Variants in DCC observed in about 807,000 individuals in gnomAD.
DCC encodes the protein DCC netrin 1 receptor.
Under a neutral mutation model 172.5 loss-of-function variants are expected in DCC, and 58 were observed. The ratio of observed to expected loss-of-function variants is 0.34; its 90% CI spans 0.27 to 0.42. The LOEUF (loss-of-function observed/expected upper bound fraction) is 0.42, where lower values mean the gene tolerates loss of function less well. Among genes scored for constraint, DCC ranks in the 10% least tolerant of loss-of-function variants. The pLI is 1.00. For synonymous variants in DCC, 709 were observed against 644.5 expected (o/e 1.10, Z -1.52); for missense variants, 1,740 against 1,791.0 (o/e 0.97, Z 0.51).
intron 8 of DCC, among the ~76,000 whole-genome samples, chr18:53,167,201 A>C (rs200271315): frequency 6.6e-6 from 1 of 152,226 alleles, no homozygotes; most frequent in East Asian, 1.9e-4. Flanking sequence ...ACTCTGAGGC[A>C]CTTAGGCAAG....
At chr18:52,769,872 C>CT (rs762775968) in intron 2 of DCC, among the ~76,000 whole-genome samples, 7 of 152,120 alleles carry the variant, frequency 4.6e-5, no homozygotes, top group Non-Finnish European at 1.0e-4. Flanking sequence ...GTCTTTGTTC[C>CT]TTTATCAAAA....
intron 12 of DCC, among the ~76,000 whole-genome samples, chr18:53,303,691 T>A (rs1407059947): frequency 6.6e-6 from 1 of 152,130 alleles, no homozygotes; most frequent in African/African-American, 2.4e-5. Flanking sequence ...TGAGCACTTT[T>A]GGTCTCTGAG....
intron 12 of DCC, among the ~76,000 whole-genome samples, chr18:53,301,672 C>G (rs1227668814): frequency 2.0e-5 from 3 of 151,788 alleles, no homozygotes; most frequent in African/African-American, 7.3e-5. Flanking sequence ...TTAGATGTCT[C>G]TTAGTTTACC....
chr18:52,729,076 C>T (rs1053253847), intron 1 of DCC, among the ~76,000 whole-genome samples: 4 of 152,122 alleles, frequency 2.6e-5, no homozygotes, highest in African/African-American at 9.7e-5. Context: ...AGCATAATCT[C>T]TATTTTGAAT....
intron 27 of DCC, among the ~76,000 whole-genome samples, chr18:53,503,261 C>T (rs867241439): frequency 6.6e-6 from 1 of 152,156 alleles, no homozygotes; most frequent in Non-Finnish European, 1.5e-5. Flanking sequence ...GTTGTCATAA[C>T]GACTGAAATT....
In DCC at chr18:53,079,131, A is replaced by G. The variant is rs117373335; in HGVS notation, c.1261+12965A>G. ...ACTTAGTTGTAAGGAAAAGGGAATA[A>G]AAGTACTATGTAGCTTATTTCATAT... On this transcript the variant is annotated intron_variant, in intron 7 of 28. Transcript: ENST00000442544. Among the ~76,000 whole-genome samples the G allele has an allele frequency of 4.5e-4, 68 of 152,288 alleles. No homozygotes were observed. In the East Asian group the frequency reaches 0.012, roughly 26 times the overall value.
chr18:53,039,126 C>G (rs531652030), intron 5 of DCC, among the ~76,000 whole-genome samples: 1 of 152,002 alleles, frequency 6.6e-6, no homozygotes, highest in African/African-American at 2.4e-5. Context: ...TACACAAAGT[C>G]TGTGTCTCTA....
chr18:53,108,182 A>AACACAC (rs71175553), intron 7 of DCC, among the ~76,000 whole-genome samples: 1 of 151,030 alleles, frequency 6.6e-6, no homozygotes, highest in African/African-American at 2.4e-5. Context: ...TACACAGAAA[A>AACACAC]ACACACACAC....
Position 52,351,723 on chromosome 18 carries a change from A to G in DCC, c.91+10845A>G, listed in dbSNP as rs541418999. On this transcript the variant is annotated intron_variant, in intron 1 of 28. Transcript: ENST00000442544. ...ATGTGTGCCTGAACGTGTTTAGTAAACCTAAACCTAAATTTTTTTTGGAGT... is the reference window on the plus strand; with the variant it reads ...ATGTGTGCCTGAACGTGTTTAGTAAGCCTAAACCTAAATTTTTTTTGGAGT... 1.2e-4 allele frequency among the ~76,000 whole-genome samples: 18 copies of G among 152,276 alleles called. No homozygotes were observed. The South Asian group carries it at 1.7e-3, about 14-fold the overall frequency.
chr18:52,587,606 T>C (rs2033704844), intron 1 of DCC, among the ~76,000 whole-genome samples: 2 of 152,188 alleles, frequency 1.3e-5, no homozygotes, highest in East Asian at 3.9e-4. Context: ...CAAATCACTA[T>C]ATAATCACAC....
intron 27 of DCC, among the ~76,000 whole-genome samples, chr18:53,523,266 AG>A (rs2046420175): frequency 6.6e-6 from 1 of 152,172 alleles, no homozygotes; most frequent in African/African-American, 2.4e-5. Flanking sequence ...AGGAAACAAC[AG>A]ATGCTAGAGA....
At chr18:52,653,068 G>T (rs1237014551) in intron 1 of DCC, among the ~76,000 whole-genome samples, 3 of 152,166 alleles carry the variant, frequency 2.0e-5, no homozygotes, top group Non-Finnish European at 4.4e-5. Context: ...GCTGACAGAA[G>T]TTGTGACATA....
intron 18 of DCC, among the ~76,000 whole-genome samples, chr18:53,401,419 C>T (rs923053616): frequency 7.9e-5 from 12 of 152,066 alleles, no homozygotes; most frequent in Non-Finnish European, 1.6e-4. Flanking sequence ...ATCCCAGTGA[C>T]TTTGAAGATC....
chr18:52,889,357 G>T (rs917094947), intron 2 of DCC, among the ~76,000 whole-genome samples: 1 of 152,084 alleles, frequency 6.6e-6, no homozygotes, highest in Non-Finnish European at 1.5e-5. Context: ...AGGACAGAAA[G>T]AAGTAACGAA....
intron 7 of DCC, among the ~76,000 whole-genome samples, chr18:53,114,446 T>G (rs2043381097): frequency 6.6e-6 from 1 of 151,578 alleles, no homozygotes. Context: ...ATAGAGTATC[T>G]CAGTATAAAG....
At chr18:52,970,249 A>G (rs2041008574) in intron 5 of DCC, among the ~76,000 whole-genome samples, 1 of 152,090 alleles carries the variant, frequency 6.6e-6, no homozygotes, top group South Asian at 2.1e-4. Flanking sequence ...TTTTTCTAAC[A>G]TTTAGAATAT....
At chr18:52,651,846 G>A (rs1182883009) in intron 1 of DCC, among the ~76,000 whole-genome samples, 2 of 152,038 alleles carry the variant, frequency 1.3e-5, no homozygotes, top group Non-Finnish European at 2.9e-5. Context: ...TGTTACACAG[G>A]GCAGAAGGAC....
At chr18:53,164,350 A>G (rs559401186) in intron 8 of DCC, among the ~76,000 whole-genome samples, 1 of 152,304 alleles carries the variant, frequency 6.6e-6, no homozygotes, top group South Asian at 2.1e-4. Flanking sequence ...GGCTCAATGG[A>G]TCCTTCCACC....
At chr18:52,791,147 T>C (rs2037759063) in intron 2 of DCC, among the ~76,000 whole-genome samples, 1 of 152,168 alleles carries the variant, frequency 6.6e-6, no homozygotes, top group African/African-American at 2.4e-5. Flanking sequence ...CCCCAGGAGT[T>C]GCTTTTCTAA....
Sources: gnomAD v4.1 joint callset for allele counts (sites outside exome capture counted in the v4.1 genomes callset) on GRCh38, gnomAD v4.1.1 for gene constraint, MANE v1.5 for transcripts, NCBI Gene and HGNC (gene_info 2026-07-23, HGNC 2026-07-21) for gene names.